Variants in DAB2IP observed in about 807,000 individuals in gnomAD.
DAB2IP encodes DAB2 interacting protein.
A neutral mutation model predicts 107.2 loss-of-function variants in DAB2IP; 28 were observed. That is an observed-to-expected ratio of 0.26 (90% CI 0.19 to 0.36). DAB2IP has a LOEUF of 0.36. DAB2IP is among the 10% of genes least tolerant of loss of function. The pLI, the probability that DAB2IP is intolerant of heterozygous loss-of-function variation, is 1.00. For synonymous variants in DAB2IP, 755 were observed against 706.4 expected (o/e 1.07, Z -1.09); for missense variants, 1,400 against 1,644.7 (o/e 0.85, Z 2.57).
intron 1 of DAB2IP, among the ~76,000 whole-genome samples, chr9:121,625,539 G>A (rs908306370): frequency 6.6e-6 from 1 of 152,186 alleles, no homozygotes; most frequent in Admixed American, 6.5e-5. Context: ...TGGGATTATA[G>A]GCGTGAGCCA....
At chr9:121,759,544 T>TA (rs745691539) in intron 5 of DAB2IP, among the ~76,000 whole-genome samples, 1 of 152,210 alleles carries the variant, frequency 6.6e-6, no homozygotes, top group Non-Finnish European at 1.5e-5. Context: ...AAGGAAGAGT[T>TA]AATAATGGCA....
intron 1 of DAB2IP, among the ~76,000 whole-genome samples, chr9:121,668,343 TTC>T (rs1165137046): frequency 3.3e-5 from 5 of 150,406 alleles, no homozygotes; most frequent in Admixed American, 1.3e-4. Flanking sequence ...GTTCAAGTGA[TTC>T]TCCTGCCTCA....
chr9:121,742,731 TC>T (rs1564193190), intron 3 of DAB2IP: 1 of 985,522 alleles, frequency 1.0e-6, no homozygotes, highest in East Asian at 1.1e-4. Flanking sequence ...TGCCTTTTCT[TC>T]CCCGCATCCT....
chr9:121,724,484 T>A (rs529079085), intron 3 of DAB2IP, among the ~76,000 whole-genome samples: 1 of 152,378 alleles, frequency 6.6e-6, no homozygotes, highest in Admixed American at 6.5e-5. Context: ...CATTTGTCTC[T>A]AGCTGTTGAG....
chr9:121,748,821 C>T (rs2118925313), intron 3 of DAB2IP, among the ~76,000 whole-genome samples: 1 of 152,336 alleles, frequency 6.6e-6, no homozygotes, highest in South Asian at 2.1e-4. Context: ...GTGGACCCTC[C>T]TCTGCCAGCT....
chr9:121,615,735 TC>T (rs1439071378), intron 1 of DAB2IP, among the ~76,000 whole-genome samples: 18 of 151,884 alleles, frequency 1.2e-4, no homozygotes, highest in Non-Finnish European at 2.4e-4. Context: ...CAAGCGATTC[TC>T]CTGCCTCAGC....
intron 5 of DAB2IP, 38 bp downstream of exon 5, chr9:121,759,034 G>A: frequency 1.3e-6 from 2 of 1,577,486 alleles, no homozygotes; most frequent in East Asian, 2.3e-5. Context: ...ATGGGGGATT[G>A]AAGGTAGGCT....
chr9:121,680,328 G>T (rs1828517868), intron 2 of DAB2IP, among the ~76,000 whole-genome samples: 1 of 152,214 alleles, frequency 6.6e-6, no homozygotes, highest in Admixed American at 6.5e-5. Context: ...TAAGATTTCA[G>T]TCCACTGGGC....
rs1308704884 is a variant in DAB2IP, at chr9:121,776,689, CA to C, written c.3314+299del. ...GCCATACCATCTTAGTAAGCACTCTCAGGGGCGCTGAGAAGCTGGATTGGGG... is the reference window on the plus strand; with the variant it reads ...GCCATACCATCTTAGTAAGCACTCTCGGGGCGCTGAGAAGCTGGATTGGGG... On this transcript the variant is annotated intron_variant, in intron 14 of 15. Coordinates refer to ENST00000408936, the Ensembl canonical transcript of DAB2IP. This position sits in a 1 kb window ranked among gnomAD's most constrained non-coding sequence, Gnocchi z 5.4. Among the ~76,000 whole-genome samples the C allele has an allele frequency of 6.6e-6, 1 of 152,158 alleles. No homozygotes were observed. The highest frequency in any genetic ancestry group is 1.9e-4 in the East Asian group (1 of 5,184).
intron 3 of DAB2IP, among the ~76,000 whole-genome samples, chr9:121,723,484 G>A (rs1169866441): frequency 6.6e-6 from 1 of 152,196 alleles, no homozygotes; most frequent in Admixed American, 6.5e-5. Flanking sequence ...TCAGAACAAG[G>A]GACAGCCAGG....
chr9:121,706,967 T>C (rs1380593877), intron 3 of DAB2IP, among the ~76,000 whole-genome samples: 2 of 152,144 alleles, frequency 1.3e-5, no homozygotes, highest in Non-Finnish European at 2.9e-5. Flanking sequence ...TGCCTGAGAA[T>C]TGGGGGAGGG....
chr9:121,682,874 G>A (rs886285807), intron 2 of DAB2IP, among the ~76,000 whole-genome samples: 4 of 151,980 alleles, frequency 2.6e-5, no homozygotes, highest in African/African-American at 4.8e-5. Flanking sequence ...GGGAGAGTTG[G>A]GGGGTAGGGG....
chr9:121,603,993 AG>A (rs1830779795), intron 1 of DAB2IP, among the ~76,000 whole-genome samples: 1 of 151,818 alleles, frequency 6.6e-6, no homozygotes, highest in Non-Finnish European at 1.5e-5. Context: ...GGCAGTCCAG[AG>A]GGGGACAGGT....
intron 1 of DAB2IP, among the ~76,000 whole-genome samples, chr9:121,636,169 A>G (rs1205636393): frequency 1.3e-5 from 2 of 151,922 alleles, no homozygotes; most frequent in African/African-American, 2.4e-5. Flanking sequence ...CGGCCTCCCA[A>G]AGTGCTAGGA....
chr9:121,735,277 C>T (rs1333576722), intron 3 of DAB2IP, among the ~76,000 whole-genome samples: 3 of 152,040 alleles, frequency 2.0e-5, no homozygotes, highest in Non-Finnish European at 4.4e-5. Context: ...GTGTGCACGG[C>T]AGAGCTGAGC....
intron 1 of DAB2IP, among the ~76,000 whole-genome samples, chr9:121,629,927 G>A (rs1347383346): frequency 6.6e-6 from 1 of 152,168 alleles, no homozygotes; most frequent in African/African-American, 2.4e-5. Context: ...TGAGTCTCAG[G>A]ATGGACTCCA....
chr9:121,735,463 AGTT>A (rs1474449974), intron 3 of DAB2IP, among the ~76,000 whole-genome samples: 1 of 152,216 alleles, frequency 6.6e-6, no homozygotes, highest in Non-Finnish European at 1.5e-5. Flanking sequence ...GGAGCTCAGT[AGTT>A]GTTTGCTAAA....
rs1001002542 is a variant in DAB2IP at position 121,782,905 on chromosome 9, T to G, written c.*407T>G. 22 of 1,035,818 alleles carry G rather than the reference T, an allele frequency of 2.1e-5. No homozygotes were observed. The East Asian group carries it at 1.6e-3, about 77-fold the overall frequency. 64.2% of individuals were successfully genotyped at this position (1,035,818 alleles called of 1,614,324 possible). A position where few individuals can be genotyped will look rare whatever the true frequency, so the allele number is the denominator to read the frequency against. Reference sequence around the variant, plus strand: ...AGGGGGGATTCAAGGGCTAGGGGCCTACACCTGTGGCTTCCCCTCGCCTCC... The same window carrying G: ...AGGGGGGATTCAAGGGCTAGGGGCCGACACCTGTGGCTTCCCCTCGCCTCC... On this transcript the variant is annotated 3_prime_UTR_variant, in exon 16 of 16. Coordinates refer to ENST00000408936, the Ensembl canonical transcript of DAB2IP. This position sits in a 1 kb window ranked among gnomAD's most constrained non-coding sequence, Gnocchi z 6.1.
At chr9:121,576,470 C>T (rs1830059565) in intron 1 of DAB2IP, among the ~76,000 whole-genome samples, 1 of 151,312 alleles carries the variant, frequency 6.6e-6, no homozygotes, top group Admixed American at 6.6e-5. Context: ...GAAGTCTCAG[C>T]TCAGGTCACC....
Sources: gnomAD v4.1 joint callset for allele counts (sites outside exome capture counted in the v4.1 genomes callset) on GRCh38, gnomAD v4.1.1 for gene constraint, Gnocchi (gnomAD v3.1) non-coding constraint, MANE v1.5 for transcripts, NCBI Gene and HGNC (gene_info 2026-07-23, HGNC 2026-07-21) for gene names.